TEX9: variants seen among roughly 807,000 people sequenced by gnomAD.
TEX9 encodes the protein testis-expressed protein 9.
Under a neutral mutation model 59.6 loss-of-function variants are expected in TEX9, and 74 were observed. The observed-to-expected ratio is 1.24, with a 90% CI of 1.03 to 1.51. TEX9 has a LOEUF of 1.51. Among genes scored for constraint, TEX9 ranks in the 40% most tolerant of loss-of-function variants. The pLI is 0.00. For missense variants in TEX9, 522 were observed against 447.8 expected, an observed-to-expected ratio of 1.17 and a Z score of -1.49; for synonymous variants, 186 against 152.2, an observed-to-expected ratio of 1.22 and a Z score of -1.64.
the TEX9 span, chr15:56,456,489 C>T: frequency 1.2e-6 from 2 of 1,611,838 alleles, no homozygotes; most frequent in East Asian, 4.5e-5. Flanking sequence ...CTTGTTTGAG[C>T]TGGAGTTCTT....
In TEX9 at chr15:56,345,077, GTA is replaced by G. The variant is rs201729715; in HGVS notation, c.-106-28352_-106-28351del. Among the ~76,000 whole-genome samples, 81 of 113,752 alleles carry G rather than the reference GTA, an allele frequency of 7.1e-4. 1 individual carries two copies. Among genetic ancestry groups the G allele is most frequent in the South Asian group, 6.9e-3 (27 of 3,924 alleles). The allele number at this position is 113,752 out of a possible 152,430, so 74.6% of individuals were successfully genotyped here. The stretch of plus-strand genomic sequence containing the variant: ...TATATACACACACACATATATATAT[GTA>G]TATATATATATGTATATATAATTTG... On this transcript the variant is annotated intron_variant, in intron 1 of 5. Coordinates refer to the TEX9 transcript ENST00000560827.
intron 10 of TEX9, among the ~76,000 whole-genome samples, chr15:56,422,178 C>G (rs1411936818): frequency 6.7e-6 from 1 of 150,142 alleles, no homozygotes; most frequent in African/African-American, 2.5e-5. Context: ...TGCAGCACAC[C>G]AGCATAGCAC....
chr15:56,409,529 C>T (rs1223180725), intron 9 of TEX9, among the ~76,000 whole-genome samples: 1 of 152,132 alleles, frequency 6.6e-6, no homozygotes, highest in Non-Finnish European at 1.5e-5. Context: ...GAGAGAGGAT[C>T]TCACTCTGTT....
chr15:56,339,392 A>AAAAAC (rs1455771647), intron 1 of TEX9, among the ~76,000 whole-genome samples: 2 of 111,354 alleles, frequency 1.8e-5, no homozygotes, highest in Admixed American at 1.8e-4. Flanking sequence ...CCAAAAAAAA[A>AAAAAC]AAAAAAAAAA....
At chr15:56,403,712 C>T (rs1333211304) in intron 9 of TEX9, among the ~76,000 whole-genome samples, 1 of 152,180 alleles carries the variant, frequency 6.6e-6, no homozygotes, top group Non-Finnish European at 1.5e-5. Context: ...GGAGGCATCA[C>T]ACTACCTGAC....
chr15:56,377,800 A>C (rs138650208), intron 3 of TEX9, among the ~76,000 whole-genome samples: 1 of 151,632 alleles, frequency 6.6e-6, no homozygotes, highest in Non-Finnish European at 1.5e-5. Flanking sequence ...AGTAGGCCAG[A>C]TCTTAAAGGA....
At chr15:56,426,607 A>ATATATATATG (rs2140277314) in intron 10 of TEX9, among the ~76,000 whole-genome samples, 1 of 39,926 alleles carries the variant, frequency 2.5e-5, no homozygotes, top group Admixed American at 3.0e-4. Flanking sequence ...ATATATATAT[A>ATATATATATG]TATATATATA....
At chr15:56,324,485 A>G (rs1383806857) in intron 1 of TEX9, among the ~76,000 whole-genome samples, 2 of 152,236 alleles carry the variant, frequency 1.3e-5, no homozygotes, top group African/African-American at 4.8e-5. Flanking sequence ...TATTCCTAAT[A>G]TCTTTAATTA....
chr15:56,322,799 C>T (rs1190772543), intron 1 of TEX9, among the ~76,000 whole-genome samples: 1 of 151,892 alleles, frequency 6.6e-6, no homozygotes, highest in Admixed American at 6.6e-5. Context: ...GTAATTCACA[C>T]TAAGGAGTTA....
chr15:56,249,575 TA>T (rs1309234334), intron 1 of TEX9, among the ~76,000 whole-genome samples: 1 of 151,282 alleles, frequency 6.6e-6, no homozygotes, highest in Non-Finnish European at 1.5e-5. Context: ...CCGTTTCTAC[TA>T]AAAATACAAA....
intron 2 of TEX9, among the ~76,000 whole-genome samples, chr15:56,368,848 A>G (rs1273701366): frequency 1.3e-5 from 2 of 152,044 alleles, no homozygotes; most frequent in Admixed American, 6.5e-5. Context: ...TGGTCTTTTC[A>G]GAGAACCAGC....
intron 3 of TEX9, among the ~76,000 whole-genome samples, chr15:56,379,093 GAAAAA>G (rs1288910315): frequency 7.8e-6 from 1 of 127,906 alleles, no homozygotes; most frequent in Non-Finnish European, 1.8e-5. Flanking sequence ...AAGAAAGAAA[GAAAAA>G]AAAAGAAAAG....
intron 9 of TEX9, among the ~76,000 whole-genome samples, chr15:56,399,649 C>T (rs59956814): frequency 0.023 from 3,534 of 152,354 alleles, 145 homozygotes; most frequent in African/African-American, 0.082. Flanking sequence ...AATGGACAGA[C>T]TGCCTCCTCA....
intron 1 of TEX9, among the ~76,000 whole-genome samples, chr15:56,347,783 A>G (rs528304777): frequency 6.5e-4 from 99 of 152,236 alleles, no homozygotes; most frequent in African/African-American, 2.2e-3. Flanking sequence ...TAAAATTAAA[A>G]ACATTTGATC....
intron 9 of TEX9, among the ~76,000 whole-genome samples, chr15:56,406,019 T>G (rs1396015572): frequency 6.6e-6 from 1 of 152,164 alleles, no homozygotes. Flanking sequence ...TTTCACAAAT[T>G]AATATTCCCT....
At chr15:56,316,757 C>G (rs1354769405) in intron 1 of TEX9, among the ~76,000 whole-genome samples, 4 of 152,198 alleles carry the variant, frequency 2.6e-5, no homozygotes, top group Non-Finnish European at 4.4e-5. Flanking sequence ...GCCTCGCTGT[C>G]GCCTTGCAGT....
chr15:56,247,490 T>C (rs548241489), intron 1 of TEX9, among the ~76,000 whole-genome samples: 1 of 152,228 alleles, frequency 6.6e-6, no homozygotes, highest in African/African-American at 2.4e-5. Context: ...AGAGGGAAGA[T>C]GATTTCAGAT....
At chr15:56,400,963 C>T (rs2048738059) in intron 9 of TEX9, among the ~76,000 whole-genome samples, 2 of 152,046 alleles carry the variant, frequency 1.3e-5, no homozygotes, top group African/African-American at 4.8e-5. Flanking sequence ...GCCTGCCTTA[C>T]AAGAGCTCCT....
intron 8 of TEX9, 66 bp downstream of exon 8, chr15:56,394,313 CA>C: frequency 7.5e-7 from 1 of 1,336,332 alleles, no homozygotes; most frequent in Admixed American, 2.3e-5. Flanking sequence ...ATTTCAATTA[CA>C]TTTTTTGAAT....
Sources: allele counts gnomAD v4.1 joint callset (sites outside exome capture counted in the v4.1 genomes callset), GRCh38; gene constraint gnomAD v4.1.1; transcripts MANE v1.5; gene names NCBI Gene and HGNC (gene_info 2026-07-23, HGNC 2026-07-21).